SPIRE1: variants seen among roughly 807,000 people sequenced by gnomAD.
SPIRE1 encodes the protein protein spire homolog 1.
Under a neutral mutation model 94.1 loss-of-function variants are expected in SPIRE1, and 40 were observed. The ratio of observed to expected loss-of-function variants is 0.43; its 90% CI spans 0.33 to 0.55. SPIRE1 has a LOEUF of 0.55. SPIRE1 is among the 20% of genes least tolerant of loss of function. The pLI is 0.06. For synonymous variants in SPIRE1, 376 were observed against 371.7 expected (o/e 1.01, Z -0.13); for missense variants, 838 against 975.2 (o/e 0.86, Z 1.87).
rs180888066 is a variant in SPIRE1 at position 12,507,293 on chromosome 18, G to A, written c.808-652C>T. On this transcript the variant is annotated intron_variant, in intron 5 of 16. Coordinates refer to ENST00000409402, the MANE Select transcript of SPIRE1 (RefSeq NM_001128626.2). ...AGGCCACTTGCCAGCTATTTGACAC[G>A]GAGCAAGTTGCTGCACCTTTCTGAG... Among the ~76,000 whole-genome samples, 60 of 152,270 alleles carry A rather than the reference G, an allele frequency of 3.9e-4. No homozygotes were observed. The Middle Eastern group carries it at 0.02, about 52-fold the overall frequency.
At chr18:12,598,563 T>C (rs8095160) in intron 2 of SPIRE1, among the ~76,000 whole-genome samples, 85,032 of 151,902 alleles carry the variant, frequency 0.56, 24,975 homozygotes, top group Middle Eastern at 0.76. Context: ...CTTCCTTGGA[T>C]TATTCTCGAG....
At chr18:12,572,065 G>C (rs766621194) in intron 2 of SPIRE1, among the ~76,000 whole-genome samples, 7 of 152,182 alleles carry the variant, frequency 4.6e-5, no homozygotes, top group Non-Finnish European at 8.8e-5. Flanking sequence ...GGTTACAGTA[G>C]AGTTCCAGAA....
At chr18:12,517,368 C>T (rs2034227488) in intron 4 of SPIRE1, among the ~76,000 whole-genome samples, 1 of 152,152 alleles carries the variant, frequency 6.6e-6, no homozygotes, top group Non-Finnish European at 1.5e-5. Flanking sequence ...ATGTAGATAG[C>T]TTAGAATCTA....
At chr18:12,520,102 T>C (rs901161389) in intron 4 of SPIRE1, among the ~76,000 whole-genome samples, 4 of 152,118 alleles carry the variant, frequency 2.6e-5, no homozygotes, top group Non-Finnish European at 4.4e-5. Context: ...GGCCTACAGA[T>C]GTGAAAGCTA....
At chr18:12,456,433 T>C (rs2031511959) in intron 12 of SPIRE1, among the ~76,000 whole-genome samples, 1 of 152,230 alleles carries the variant, frequency 6.6e-6, no homozygotes, top group South Asian at 2.1e-4. Flanking sequence ...CTTATTTTTA[T>C]TCATCAGTGA....
rs869122444 is a variant in SPIRE1, at chr18:12,549,439, G to GTTTTTTTTTTTTTTTTTTTTTTTTTTT, written c.373-2562_373-2536dup. On this transcript the variant is annotated intron_variant, in intron 2 of 16. Transcript: ENST00000409402. ...CTTTTTGTTTGTTTTTGTTATTGTT[G>GTTTTTTTTTTTTTTTTTTTTTTTTTTT]TTTTTTTTTTTTTTTTTTTTTTTTT... 4.1e-4 allele frequency among the ~76,000 whole-genome samples: 17 copies of GTTTTTTTTTTTTTTTTTTTTTTTTTTT among 41,258 alleles called. 4 individuals are homozygous for GTTTTTTTTTTTTTTTTTTTTTTTTTTT. The highest frequency in any genetic ancestry group is 2.9e-3 in the East Asian group (2 of 694). The allele number at this position is 41,258 out of a possible 152,430, so 27.1% of individuals were successfully genotyped here. A position where few individuals can be genotyped will look rare whatever the true frequency, so the allele number is the denominator to read the frequency against.
chr18:12,613,822 C>T (rs1482835898), intron 2 of SPIRE1, among the ~76,000 whole-genome samples: 1 of 152,102 alleles, frequency 6.6e-6, no homozygotes, highest in Non-Finnish European at 1.5e-5. Context: ...ACCAAGGAGG[C>T]GGAGGTTACA....
chr18:12,650,534 C>A (rs2038350292), intron 1 of SPIRE1, among the ~76,000 whole-genome samples: 1 of 151,898 alleles, frequency 6.6e-6, no homozygotes, highest in Non-Finnish European at 1.5e-5. Context: ...TATGGTGAAA[C>A]CCCGTCTCTA....
intron 2 of SPIRE1, among the ~76,000 whole-genome samples, chr18:12,552,129 G>A (rs1199024567): frequency 1.3e-5 from 2 of 152,230 alleles, no homozygotes; most frequent in Non-Finnish European, 2.9e-5. Flanking sequence ...GCCTATCCCC[G>A]TAGTGGGAAC....
chr18:12,622,516 C>T (rs372771449), intron 2 of SPIRE1, among the ~76,000 whole-genome samples: 63 of 150,434 alleles, frequency 4.2e-4, no homozygotes, highest in African/African-American at 1.1e-3. Context: ...TCCGCCTCCC[C>T]GGTTCACGCC....
At chr18:12,632,046 A>G (rs201382977) in intron 2 of SPIRE1, among the ~76,000 whole-genome samples, 1 of 30,370 alleles carries the variant, frequency 3.3e-5, no homozygotes, top group South Asian at 1.8e-3. Context: ...CTCTGTCTCC[A>G]AAAAAAAAAA....
At chr18:12,540,893 AC>A (rs2034994890) in intron 3 of SPIRE1, among the ~76,000 whole-genome samples, 1 of 152,204 alleles carries the variant, frequency 6.6e-6, no homozygotes, top group Non-Finnish European at 1.5e-5. Context: ...GAAATCTCAC[AC>A]CATCCTGCAC....
intron 5 of SPIRE1, among the ~76,000 whole-genome samples, chr18:12,511,530 G>C (rs2034035826): frequency 6.6e-6 from 1 of 152,078 alleles, no homozygotes; most frequent in African/African-American, 2.4e-5. Context: ...AAAAAGGTTG[G>C]GGACTGCTGT....
chr18:12,513,663 ACAGG>A (rs1398822188), intron 4 of SPIRE1, among the ~76,000 whole-genome samples: 5 of 151,802 alleles, frequency 3.3e-5, no homozygotes, highest in Non-Finnish European at 4.4e-5. Flanking sequence ...AGCTAGGAGT[ACAGG>A]CATGCGCCAC....
chr18:12,601,676 C>T (rs911746394), intron 2 of SPIRE1, among the ~76,000 whole-genome samples: 1 of 152,134 alleles, frequency 6.6e-6, no homozygotes, highest in Non-Finnish European at 1.5e-5. Context: ...ACGTACTTTC[C>T]GTCTCTACAG....
intron 4 of SPIRE1, among the ~76,000 whole-genome samples, chr18:12,520,340 G>A (rs1198772145): frequency 6.6e-6 from 1 of 152,118 alleles, no homozygotes; most frequent in Non-Finnish European, 1.5e-5. Context: ...CAACTCCTGG[G>A]TTTTGAACCA....
rs1409601530 is a variant in SPIRE1 at position 12,615,545 on chromosome 18, A to AAAAAAAAAAAAAAAAAT, written c.372+19516_372+19517insATTTTTTTTTTTTTTTT. 2.2e-4 allele frequency among the ~76,000 whole-genome samples: 32 copies of AAAAAAAAAAAAAAAAAT among 146,608 alleles called. 1 individual carries two copies. Among genetic ancestry groups the AAAAAAAAAAAAAAAAAT allele is most frequent in the Non-Finnish European group, 4.4e-4 (29 of 66,466 alleles). On this transcript the variant is annotated intron_variant, in intron 2 of 16. Transcript: ENST00000409402. ...ACAGAGAGAGACTCTATCTCCACAA[A>AAAAAAAAAAAAAAAAAT]AAAAAAAAAAATCCCAAATTTTAAG...
In SPIRE1 at chr18:12,657,867, C is replaced by G; in HGVS notation, c.-1G>C. 1 of 1,072,060 alleles carries G rather than the reference C, an allele frequency of 9.3e-7. No homozygotes were observed. 66.4% of individuals were successfully genotyped at this position (1,072,060 alleles called of 1,614,324 possible). ...CCGCCGGGCCAGCCGCCTGAGCCATCCCGCGGGTGGGCGCTGCGCTCGGCA... is the reference window on the plus strand; with the variant it reads ...CCGCCGGGCCAGCCGCCTGAGCCATGCCGCGGGTGGGCGCTGCGCTCGGCA... On this transcript the variant is annotated 5_prime_UTR_variant, in exon 1 of 17. Transcript: ENST00000409402.
At chr18:12,642,824 T>TAA (rs961594516) in intron 1 of SPIRE1, among the ~76,000 whole-genome samples, 4 of 152,128 alleles carry the variant, frequency 2.6e-5, no homozygotes, top group African/African-American at 9.7e-5. Flanking sequence ...CTGTGGGGCT[T>TAA]AAAACCTAGA....
Sources: allele counts gnomAD v4.1 joint callset (sites outside exome capture counted in the v4.1 genomes callset), GRCh38; gene constraint gnomAD v4.1.1; transcripts MANE v1.5; gene names NCBI Gene and HGNC (gene_info 2026-07-23, HGNC 2026-07-21).